DRC12: variants seen among roughly 807,000 people sequenced by gnomAD.
DRC12 encodes dynein regulatory complex protein 12.
the DRC12 span, chr11:119,193,643 A>T: frequency 6.8e-7 from 1 of 1,479,130 alleles, no homozygotes; most frequent in East Asian, 2.5e-5. Flanking sequence ...TGTTTGGGAA[A>T]GACCAAGACC....
chr11:119,195,674 A>T, the DRC12 span: 1 of 598,660 alleles, frequency 1.7e-6, no homozygotes, highest in Non-Finnish European at 3.0e-6. Flanking sequence ...GGGAGGATGG[A>T]GTTTTTTCTC....
chr11:119,193,031 A>G, the DRC12 span: 1 of 857,900 alleles, frequency 1.2e-6, no homozygotes, highest in South Asian at 1.4e-5. Flanking sequence ...GAAAGTGGGG[A>G]AAGTGATCCA....
the DRC12 span, among the ~76,000 whole-genome samples, chr11:119,192,748 G>A: frequency 6.6e-6 from 1 of 152,242 alleles, no homozygotes; most frequent in East Asian, 1.9e-4. Flanking sequence ...CTGGGTTCAA[G>A]CGATTCTCCT....
At chr11:119,193,679 T>C in the DRC12 span, 8 of 1,520,682 alleles carry the variant, frequency 5.3e-6, no homozygotes, top group African/African-American at 1.4e-5. Flanking sequence ...AAGCCCTCCT[T>C]GTTTCCCTTC....
At chr11:119,195,071 C>A in the DRC12 span, 2 of 1,289,856 alleles carry the variant, frequency 1.6e-6, no homozygotes, top group Admixed American at 4.1e-5. Flanking sequence ...TCACCCCACA[C>A]CCTGCACTTT....
the DRC12 span, chr11:119,195,333 C>A: frequency 2.5e-6 from 3 of 1,206,770 alleles, no homozygotes; most frequent in Non-Finnish European, 3.6e-6. Context: ...TCCTGTCCTG[C>A]AGAAGGCTGA....
chr11:119,192,334 C>G, the DRC12 span, among the ~76,000 whole-genome samples: 1 of 152,152 alleles, frequency 6.6e-6, no homozygotes, highest in African/African-American at 2.4e-5. Flanking sequence ...GCTCATGTGT[C>G]ATGCTGAGAT....
chr11:119,193,424 GGAAGCCCGAC>G, the DRC12 span: 2 of 873,682 alleles, frequency 2.3e-6, no homozygotes, highest in Non-Finnish European at 3.4e-6. Flanking sequence ...GGAAGGGACA[GGAAGCCCGAC>G]CTACCTCCCC....
the DRC12 span, chr11:119,193,955 G>A: frequency 2.0e-6 from 3 of 1,479,136 alleles, no homozygotes; most frequent in Non-Finnish European, 2.7e-6. Context: ...TGAACGTGAT[G>A]GACTTTGCCC....
the DRC12 span, chr11:119,195,088 A>G: frequency 9.5e-7 from 1 of 1,053,538 alleles, no homozygotes; most frequent in South Asian, 1.4e-5. Flanking sequence ...CTTTTGCCAC[A>G]GCAGACCTGA....
chr11:119,193,145 A>T, the DRC12 span: 8 of 1,613,106 alleles, frequency 5.0e-6, no homozygotes, highest in Non-Finnish European at 6.8e-6. Context: ...GGGTGGGGAA[A>T]CCTACCTAGC....
chr11:119,194,530 A>AAT, the DRC12 span, among the ~76,000 whole-genome samples: 1 of 136,374 alleles, frequency 7.3e-6, no homozygotes, highest in Non-Finnish European at 1.6e-5. Context: ...AAAAAAAAAA[A>AAT]AAAAAAAAAA....
the DRC12 span, chr11:119,195,326 T>C: frequency 7.1e-6 from 8 of 1,126,680 alleles, no homozygotes; most frequent in Non-Finnish European, 1.0e-5. Context: ...AGCTCCATCC[T>C]GTCCTGCAGA....
At chr11:119,190,497 GGAGT>G in the DRC12 span, 14 of 1,610,662 alleles carry the variant, frequency 8.7e-6, no homozygotes, top group African/African-American at 1.7e-4. This position sits in a 1 kb window ranked among gnomAD's most constrained non-coding sequence, Gnocchi z 4.2. Context: ...AGAGAGGGAA[GGAGT>G]GAGTGCTGCC....
At chr11:119,193,735 C>T in the DRC12 span, 5 of 1,550,362 alleles carry the variant, frequency 3.2e-6, no homozygotes, top group Non-Finnish European at 4.4e-6. Flanking sequence ...AAGCCCCTGT[C>T]TCCTGCCCAC....
chr11:119,190,957 C>T, the DRC12 span: 1 of 1,250,506 alleles, frequency 8.0e-7, no homozygotes. The surrounding 1 kb of genome is among the most constrained non-coding windows in gnomAD (Gnocchi z 4.2). Context: ...CCCCCAGCAT[C>T]ACCAAATTTC....
chr11:119,194,368 C>T, the DRC12 span, among the ~76,000 whole-genome samples: 2 of 151,778 alleles, frequency 1.3e-5, no homozygotes, highest in Admixed American at 6.6e-5. Flanking sequence ...CAAAAATTAG[C>T]CAGGTGTGGT....
the DRC12 span, chr11:119,195,668 G>A: frequency 1.7e-6 from 1 of 601,544 alleles, no homozygotes; most frequent in Non-Finnish European, 2.9e-6. Flanking sequence ...TCAGTGGGGA[G>A]GATGGAGTTT....
At chr11:119,193,991 G>T in the DRC12 span, 4 of 1,126,070 alleles carry the variant, frequency 3.6e-6, no homozygotes, top group South Asian at 1.5e-5. Flanking sequence ...GTGGTGGGGT[G>T]TCCAGCCTCT....
Sources: allele counts gnomAD v4.1 joint callset (sites outside exome capture counted in the v4.1 genomes callset), GRCh38; gene constraint gnomAD v4.1.1; non-coding constraint Gnocchi (gnomAD v3.1); transcripts MANE v1.5; gene names NCBI Gene and HGNC (gene_info 2026-07-23, HGNC 2026-07-21).